The following KLHL14 variants were observed in gnomAD, a reference collection of about 807,000 sequenced individuals.
KLHL14 encodes the protein kelch-like protein 14.
Under a neutral mutation model 64.3 loss-of-function variants are expected in KLHL14, and 22 were observed. The ratio of observed to expected loss-of-function variants is 0.34; its 90% CI spans 0.24 to 0.49. The LOEUF is 0.49. Ranked by LOEUF, KLHL14 falls within the 20% of genes least tolerant of loss-of-function variation. The pLI, the probability that KLHL14 is intolerant of heterozygous loss-of-function variation, is 0.99. For synonymous variants in KLHL14, 322 were observed against 333.4 expected (o/e 0.97, Z 0.37); for missense variants, 661 against 789.0 (o/e 0.84, Z 1.94).
At chr18:32,741,776 A>T in intron 3 of KLHL14, 152 bp downstream of exon 3, 1 of 941,530 alleles carries the variant, frequency 1.1e-6, no homozygotes, top group Non-Finnish European at 1.5e-6. Flanking sequence ...TTAGTTTTTT[A>T]CTCTAAATCC....
chr18:32,729,649 A>G (rs1042545284), intron 3 of KLHL14, among the ~76,000 whole-genome samples: 2 of 152,222 alleles, frequency 1.3e-5, no homozygotes, highest in Non-Finnish European at 2.9e-5. Context: ...TCTGCAAAAA[A>G]GCCTATTTCT....
rs2050370586 is a variant in KLHL14 at position 32,770,007 on chromosome 18, C to A, written c.585G>T (p.Leu195=). The change falls in exon 2 of 9, where the codon CTG becomes CTT. Residue 195 remains leucine (L), a synonymous_variant. Transcript: ENST00000359358. The surrounding 1 kb of genome is among the most constrained non-coding windows in gnomAD (Gnocchi z 6.7). Reference sequence around the variant, plus strand: ...GCTTCTTGGTCTCCTCCAGGCCGTGCAGCGCGGCGATCTTGCACACCTGCT... The same window carrying A: ...GCTTCTTGGTCTCCTCCAGGCCGTGAAGCGCGGCGATCTTGCACACCTGCT... ...NYKQVCKIAA[L]HGLEETKKLA... is the part of the protein sequence containing the mutation. The A allele has an allele frequency of 6.2e-7, 1 of 1,614,212 alleles. No individual in the cohort carries two copies. Among genetic ancestry groups the A allele is most frequent in the South Asian group, 1.1e-5 (1 of 91,082 alleles).
intron 2 of KLHL14, among the ~76,000 whole-genome samples, chr18:32,759,763 G>T (rs545708019): frequency 6.6e-6 from 1 of 151,896 alleles, no homozygotes; most frequent in South Asian, 2.1e-4. Flanking sequence ...CCTTAGGAGA[G>T]GGAGATTACA....
chr18:32,719,628 A>G lies in KLHL14; in HGVS notation c.1069+22300T>C, dbSNP rs561102696. On this transcript the variant is annotated intron_variant, in intron 3 of 8. Coordinates refer to ENST00000359358, the MANE Select transcript of KLHL14 (RefSeq NM_020805.3). ...AAGCTGCTCTTGTCGTTTAGGCACT[A>G]TTCATTCATTTATTCAATAATTACT... 2.8e-4 allele frequency among the ~76,000 whole-genome samples: 43 copies of G among 152,360 alleles called. 1 individual carries two copies. Among genetic ancestry groups the G allele is most frequent in the African/African-American group, 1.0e-3 (42 of 41,586 alleles).
chr18:32,694,002 CAT>C (rs1014961282), intron 4 of KLHL14, among the ~76,000 whole-genome samples: 11 of 150,716 alleles, frequency 7.3e-5, no homozygotes, highest in Non-Finnish European at 1.6e-4. Context: ...TGTTTTTTTG[CAT>C]ATGCCTCTGG....
intron 5 of KLHL14, among the ~76,000 whole-genome samples, chr18:32,684,358 T>C (rs1338709624): frequency 6.6e-6 from 1 of 152,200 alleles, no homozygotes; most frequent in Non-Finnish European, 1.5e-5. Context: ...TGTTCTGCAC[T>C]TTTTCTCTAT....
At chr18:32,687,964 C>G (rs2049887742) in intron 4 of KLHL14, among the ~76,000 whole-genome samples, 1 of 152,174 alleles carries the variant, frequency 6.6e-6, no homozygotes, top group Non-Finnish European at 1.5e-5. Context: ...GACATATACA[C>G]AGGTGTATTT....
chr18:32,686,158 C>T (rs1288105428), intron 5 of KLHL14, among the ~76,000 whole-genome samples: 1 of 148,512 alleles, frequency 6.7e-6, no homozygotes, highest in African/African-American at 2.5e-5. Flanking sequence ...ATTACAGGCG[C>T]TTGCCACTGT....
intron 7 of KLHL14, among the ~76,000 whole-genome samples, chr18:32,679,411 T>A (rs1469490391): frequency 6.6e-6 from 1 of 152,290 alleles, no homozygotes; most frequent in East Asian, 1.9e-4. Flanking sequence ...GAAGGAGATT[T>A]TAGAGATCAT....
At chr18:32,728,443 G>A (rs750115809) in intron 3 of KLHL14, among the ~76,000 whole-genome samples, 26 of 152,192 alleles carry the variant, frequency 1.7e-4, no homozygotes, top group Non-Finnish European at 3.4e-4. Context: ...ACAAATGCAA[G>A]TGAAGTGCTT....
intron 3 of KLHL14, among the ~76,000 whole-genome samples, chr18:32,725,825 T>C (rs2050105203): frequency 6.6e-6 from 1 of 152,220 alleles, no homozygotes; most frequent in Non-Finnish European, 1.5e-5. Flanking sequence ...GGAGTTAGAC[T>C]ATCTGAGTTT....
At chr18:32,755,396 T>C (rs1030658982) in intron 2 of KLHL14, among the ~76,000 whole-genome samples, 2 of 152,194 alleles carry the variant, frequency 1.3e-5, no homozygotes, top group African/African-American at 4.8e-5. Flanking sequence ...CTTGAATTAT[T>C]CTCTAGTGCA....
At position 32,685,770 on chromosome 18, in the gene KLHL14, G is replaced by T. The variant is rs536941651; in HGVS notation, c.1238+1385C>A. ...TTTAATATATTTACCAGTATATAGA[G>T]TAGAAAGTTAGATATTGAGTTTCAT... On this transcript the variant is annotated intron_variant, in intron 5 of 8. Transcript: ENST00000359358. Among the ~76,000 whole-genome samples, 5 of 152,246 alleles carry T rather than the reference G, an allele frequency of 3.3e-5. No individual in the cohort carries two copies. In the South Asian group the frequency reaches 1.0e-3, roughly 32 times the overall value.
chr18:32,772,179 C>A, intron 1 of KLHL14: 1 of 384,444 alleles, frequency 2.6e-6, no homozygotes, highest in South Asian at 1.8e-5. Flanking sequence ...GCGGACCTGC[C>A]CCTTCCACTG....
rs1217283172 is a variant in KLHL14, at chr18:32,680,977, A to G, written c.1239-378T>C. ...AAAATGAGGTAGATAATGTAACAAT[A>G]ATAAATTATCTTGACATTCACTTTC... On this transcript the variant is annotated intron_variant, in intron 5 of 8. Coordinates refer to ENST00000359358, the MANE Select transcript of KLHL14 (RefSeq NM_020805.3). The surrounding 1 kb of genome is among the most constrained non-coding windows in gnomAD (Gnocchi z 4.8). Among the ~76,000 whole-genome samples, 4 of 152,170 alleles carry G rather than the reference A, an allele frequency of 2.6e-5. No homozygotes were observed. The highest frequency in any genetic ancestry group is 5.9e-5 in the Non-Finnish European group (4 of 68,024).
chr18:32,692,370 A>G (rs945368643), intron 4 of KLHL14, among the ~76,000 whole-genome samples: 4 of 151,834 alleles, frequency 2.6e-5, no homozygotes, highest in African/African-American at 9.7e-5. Flanking sequence ...AGAAGATTTC[A>G]TCTCTGGGAC....
chr18:32,745,757 T>C (rs2050221006), intron 2 of KLHL14, among the ~76,000 whole-genome samples: 1 of 152,198 alleles, frequency 6.6e-6, no homozygotes, highest in South Asian at 2.1e-4. Flanking sequence ...ATAGTGACAA[T>C]GACAATAACG....
At chr18:32,754,918 G>A (rs1187929027) in intron 2 of KLHL14, among the ~76,000 whole-genome samples, 2 of 152,066 alleles carry the variant, frequency 1.3e-5, no homozygotes, top group African/African-American at 4.8e-5. Context: ...TCATCCTGGG[G>A]CAAAGATAAA....
At chr18:32,728,018 A>AAAT (rs71177871) in intron 3 of KLHL14, among the ~76,000 whole-genome samples, 44,771 of 151,968 alleles carry the variant, frequency 0.29, 6,847 homozygotes, top group African/African-American at 0.37. Flanking sequence ...CCTCATTCTG[A>AAAT]AATTTTCACC....
Sources: allele counts gnomAD v4.1 joint callset (sites outside exome capture counted in the v4.1 genomes callset), GRCh38; gene constraint gnomAD v4.1.1; non-coding constraint Gnocchi (gnomAD v3.1); transcripts MANE v1.5; gene names NCBI Gene and HGNC (gene_info 2026-07-23, HGNC 2026-07-21).